Variants in B3GALT1 observed in about 807,000 individuals in gnomAD.
B3GALT1 encodes UDP-Gal:betaGlcNAc beta 1,3-galactosyltransferase, polypeptide 1.
In B3GALT1, 10 loss-of-function variants were observed where a neutral mutation model predicts 23.2. The ratio of observed to expected loss-of-function variants is 0.43; its 90% CI spans 0.27 to 0.73. B3GALT1 has a LOEUF of 0.73. B3GALT1 is among the 30% of genes least tolerant of loss of function. B3GALT1 has a pLI of 0.21. For synonymous variants in B3GALT1, 156 were observed against 141.5 expected (o/e 1.10, Z -0.73); for missense variants, 299 against 405.4 (o/e 0.74, Z 2.25).
rs114544761 is a variant in B3GALT1 at position 167,801,706 on chromosome 2, C to T, written c.-351-16966C>T. 3.2e-3 allele frequency among the ~76,000 whole-genome samples: 484 copies of T among 152,288 alleles called. 6 individuals are homozygous for T. Among genetic ancestry groups the T allele is most frequent in the African/African-American group, 0.011 (468 of 41,566 alleles). On this transcript the variant is annotated intron_variant, in intron 3 of 4. Transcript: ENST00000392690. Reference sequence around the variant, plus strand: ...TTCTGAAGGACATAAATGTTTTTATCTGCTATGATGAGTTACCTGAATGTC... The same window carrying T: ...TTCTGAAGGACATAAATGTTTTTATTTGCTATGATGAGTTACCTGAATGTC...
At chr2:167,332,411 GT>G (rs1696988282) in intron 1 of B3GALT1, among the ~76,000 whole-genome samples, 1 of 152,222 alleles carries the variant, frequency 6.6e-6, no homozygotes, top group South Asian at 2.1e-4. Flanking sequence ...TGCACTAATA[GT>G]GGCAGTTAAA....
intron 3 of B3GALT1, among the ~76,000 whole-genome samples, chr2:167,694,734 T>C (rs1686767129): frequency 6.6e-6 from 1 of 151,558 alleles, no homozygotes; most frequent in Admixed American, 6.6e-5. Flanking sequence ...TGAAAGCAGG[T>C]GGCCAGATTC....
chr2:167,452,495 G>A (rs1280892677), intron 1 of B3GALT1, among the ~76,000 whole-genome samples: 1 of 152,102 alleles, frequency 6.6e-6, no homozygotes, highest in South Asian at 2.1e-4. Flanking sequence ...GTGTGTATGG[G>A]GGACAGATGA....
chr2:167,453,266 A>G (rs1699115807), intron 1 of B3GALT1, among the ~76,000 whole-genome samples: 1 of 152,182 alleles, frequency 6.6e-6, no homozygotes, highest in Non-Finnish European at 1.5e-5. Flanking sequence ...CCCTTTGCCA[A>G]TGGATATATT....
At chr2:167,784,744 G>A (rs1207019480) in intron 3 of B3GALT1, among the ~76,000 whole-genome samples, 1 of 152,104 alleles carries the variant, frequency 6.6e-6, no homozygotes. Flanking sequence ...AAACAATGCT[G>A]TATTAAAAAG....
chr2:167,715,413 G>A (rs1687126940), intron 3 of B3GALT1: 2 of 1,611,984 alleles, frequency 1.2e-6, no homozygotes, highest in Non-Finnish European at 8.5e-7. Flanking sequence ...CTTTCCTGAA[G>A]TTGAGAATTT....
At chr2:167,846,872 T>TA (rs1302317885) in intron 4 of B3GALT1, among the ~76,000 whole-genome samples, 1 of 152,188 alleles carries the variant, frequency 6.6e-6, no homozygotes, top group East Asian at 1.9e-4. Flanking sequence ...GAGACTCACG[T>TA]AGCCCATAAG....
chr2:167,867,749 A>T (rs1690262600), intron 4 of B3GALT1, among the ~76,000 whole-genome samples: 1 of 152,224 alleles, frequency 6.6e-6, no homozygotes, highest in African/African-American at 2.4e-5. Context: ...GGACTACCAC[A>T]TTCTGCCCTA....
intron 4 of B3GALT1, among the ~76,000 whole-genome samples, chr2:167,865,562 C>T (rs929532223): frequency 5.3e-5 from 8 of 152,106 alleles, no homozygotes; most frequent in African/African-American, 9.7e-5. Flanking sequence ...GAGGCCGAGG[C>T]GGGCAGATCA....
chr2:167,586,251 C>T lies in B3GALT1; in HGVS notation c.-409-60658C>T, dbSNP rs117357306. ...TCCAGGAAGCAGCAATGTGCAAAGT[C>T]CAGGAGGCCTCCTTGGGGGCATTTT... On this transcript the variant is annotated intron_variant, in intron 2 of 4. Coordinates refer to ENST00000392690, the MANE Select transcript of B3GALT1 (RefSeq NM_020981.4). 1.4e-3 allele frequency among the ~76,000 whole-genome samples: 220 copies of T among 152,318 alleles called. 4 individuals are homozygous for T. The East Asian group carries it at 0.037, about 26-fold the overall frequency.
intron 1 of B3GALT1, among the ~76,000 whole-genome samples, chr2:167,420,573 G>GA (rs1244713229): frequency 6.6e-6 from 1 of 152,190 alleles, no homozygotes; most frequent in Non-Finnish European, 1.5e-5. Flanking sequence ...AAAGACTAGT[G>GA]AACACCTCAT....
intron 3 of B3GALT1, among the ~76,000 whole-genome samples, chr2:167,663,907 G>A (rs752453361): frequency 1.4e-3 from 207 of 151,394 alleles, no homozygotes; most frequent in African/African-American, 3.9e-3. Flanking sequence ...CCCATTTTGT[G>A]GGTTGCCTGT....
At chr2:167,591,116 T>G (rs1359912599) in intron 2 of B3GALT1, among the ~76,000 whole-genome samples, 1 of 152,126 alleles carries the variant, frequency 6.6e-6, no homozygotes, top group Non-Finnish European at 1.5e-5. Flanking sequence ...ATAAGTGAAA[T>G]AAATAAATCT....
chr2:167,785,045 G>A (rs1278293114), intron 3 of B3GALT1, among the ~76,000 whole-genome samples: 1 of 152,116 alleles, frequency 6.6e-6, no homozygotes, highest in Non-Finnish European at 1.5e-5. Context: ...TATACCACAG[G>A]ATCAACACAA....
At position 167,442,149 on chromosome 2, in the gene B3GALT1, G is replaced by A. The variant is rs960104889; in HGVS notation, c.-510-48028G>A. 7.3e-5 allele frequency among the ~76,000 whole-genome samples: 11 copies of A among 151,600 alleles called. No individual in the cohort carries two copies. The East Asian group carries it at 7.8e-4, about 11-fold the overall frequency. On this transcript the variant is annotated intron_variant, in intron 1 of 4. Transcript: ENST00000392690. ...GCACTGTTTGGTTTTTTGTTCTTGC[G>A]ATAGTTTACTGAGAATGATGATTTC...
At chr2:167,539,241 G>A (rs1308485661) in intron 2 of B3GALT1, among the ~76,000 whole-genome samples, 2 of 151,296 alleles carry the variant, frequency 1.3e-5, no homozygotes, top group Non-Finnish European at 2.9e-5. Flanking sequence ...GCAGAAAATA[G>A]TTATTTCTTT....
intron 3 of B3GALT1, among the ~76,000 whole-genome samples, chr2:167,670,043 G>A (rs1686296080): frequency 6.6e-6 from 1 of 152,180 alleles, no homozygotes; most frequent in Admixed American, 6.5e-5. Context: ...TACATCACCT[G>A]CAGACTCCCT....
chr2:167,372,037 A>G (rs762435734), intron 1 of B3GALT1, among the ~76,000 whole-genome samples: 1 of 151,876 alleles, frequency 6.6e-6, no homozygotes, highest in African/African-American at 2.4e-5. Context: ...AAATAATTTT[A>G]TAATAAAAAT....
intron 3 of B3GALT1, among the ~76,000 whole-genome samples, chr2:167,759,557 C>T (rs2105296351): frequency 6.6e-6 from 1 of 152,158 alleles, no homozygotes; most frequent in East Asian, 1.9e-4. Context: ...CATAAAGTGC[C>T]ATGGAAGGAA....
Sources: allele counts gnomAD v4.1 joint callset (sites outside exome capture counted in the v4.1 genomes callset), GRCh38; gene constraint gnomAD v4.1.1; transcripts MANE v1.5; gene names NCBI Gene and HGNC (gene_info 2026-07-23, HGNC 2026-07-21).